Variants in ADAMTS5 observed in about 807,000 individuals in gnomAD.
ADAMTS5 encodes ADAM metallopeptidase with thrombospondin type 1 motif 5, also known as A disintegrin and metalloproteinase with thrombospondin motifs 5.
ADAMTS5 carries 54 observed loss-of-function variants against 81.4 expected under a neutral mutation model. The ratio of observed to expected loss-of-function variants is 0.66; its 90% CI spans 0.53 to 0.83. The LOEUF (loss-of-function observed/expected upper bound fraction) is 0.83. Ranked by LOEUF, ADAMTS5 falls within the 40% of genes least tolerant of loss-of-function variation. The probability of loss-of-function intolerance (pLI) is 0.00; values close to 1 mark genes in which losing one functional copy is unlikely to be tolerated. For synonymous variants in ADAMTS5, 532 were observed against 508.8 expected (o/e 1.05, Z -0.61); for missense variants, 1,194 against 1,229.9 (o/e 0.97, Z 0.44).
At position 26,966,255 on chromosome 21, in the gene ADAMTS5, C is replaced by T. The variant is rs1186523751; in HGVS notation, c.137G>A (p.Arg46Gln). 1 of 1,593,738 alleles carries T rather than the reference C, an allele frequency of 6.3e-7. No individual in the cohort carries two copies. Among genetic ancestry groups the T allele is most frequent in the Non-Finnish European group, 8.5e-7 (1 of 1,172,688 alleles). Residue 46 changes from arginine (R) to glutamine (Q), a missense_variant, in exon 1 of 8, where the codon CGG becomes CAG. By Grantham distance (43) the Arg-to-Gln change is conservative. Coordinates refer to ENST00000284987, the MANE Select transcript of ADAMTS5 (RefSeq NM_007038.5). ...TCGCTCCTGCACCTCCTCCCCCTGC[C>T]GCCGGCGGGGCTGGGCGGCTGCTGC... ...TAAAAAQPRR[R>Q]QGEEVQERAE...
chr21:26,932,208 C>A, intron 5 of ADAMTS5, 29 bp from the exon 6 acceptor site: 1 of 1,594,908 alleles, frequency 6.3e-7, no homozygotes, highest in Non-Finnish European at 8.5e-7. Context: ...TCAGTATTAC[C>A]TTATCAGTTC....
At chr21:26,960,660 A>AGAAGT (rs1987512796) in intron 1 of ADAMTS5, among the ~76,000 whole-genome samples, 1 of 152,092 alleles carries the variant, frequency 6.6e-6, no homozygotes, top group African/African-American at 2.4e-5. Flanking sequence ...GACTTTCTGG[A>AGAAGT]CTCCAGAACT....
At chr21:26,935,692 A>G (rs1380945327) in intron 3 of ADAMTS5, among the ~76,000 whole-genome samples, 1 of 152,108 alleles carries the variant, frequency 6.6e-6, no homozygotes, top group Non-Finnish European at 1.5e-5. Flanking sequence ...ATGGACGATG[A>G]GAATCCAAAA....
chr21:26,949,792 G>A (rs1987284498), intron 2 of ADAMTS5, among the ~76,000 whole-genome samples: 1 of 152,174 alleles, frequency 6.6e-6, no homozygotes, highest in Non-Finnish European at 1.5e-5. Context: ...CAAACTGCTT[G>A]TTGATTAAAG....
chr21:26,965,173 T>C, intron 1 of ADAMTS5, 115 bp downstream of exon 1: 3 of 1,424,878 alleles, frequency 2.1e-6, no homozygotes, highest in Non-Finnish European at 2.8e-6. Flanking sequence ...AAGAAGCAGT[T>C]AAACACATCC....
At chr21:26,962,526 G>A (rs1987548548) in intron 1 of ADAMTS5, among the ~76,000 whole-genome samples, 1 of 152,216 alleles carries the variant, frequency 6.6e-6, no homozygotes, top group Admixed American at 6.5e-5. Flanking sequence ...ACTTCCAGAT[G>A]CAACTTTCAA....
At chr21:26,934,888 G>T in intron 3 of ADAMTS5, 139 bp from the exon 4 acceptor site, 2 of 1,173,464 alleles carry the variant, frequency 1.7e-6, no homozygotes, top group Non-Finnish European at 2.4e-6. Flanking sequence ...CTCTGGAGAG[G>T]GACTCCATGG....
intron 1 of ADAMTS5, among the ~76,000 whole-genome samples, chr21:26,961,001 T>C (rs1431975593): frequency 6.6e-6 from 1 of 152,228 alleles, no homozygotes; most frequent in Admixed American, 6.5e-5. Flanking sequence ...AATGACCATT[T>C]CCCTGTCTGT....
intron 7 of ADAMTS5, among the ~76,000 whole-genome samples, chr21:26,926,763 A>G (rs1986813314): frequency 6.6e-6 from 1 of 151,944 alleles, no homozygotes; most frequent in African/African-American, 2.4e-5. Flanking sequence ...TGCCAGCCAT[A>G]TGTTATAGCA....
At position 26,965,569 on chromosome 21, in the gene ADAMTS5, C is replaced by T. The variant is rs777567836; in HGVS notation, c.823G>A (p.Ala275Thr). 5.0e-6 allele frequency: 8 copies of T among 1,609,512 alleles called. No individual in the cohort carries two copies. The South Asian group carries it at 7.7e-5, about 15-fold the overall frequency. Residue 275 changes from alanine (A) to threonine (T), a missense_variant, in exon 1 of 8, where the codon GCT (alanine) becomes ACT (threonine). Transcript: ENST00000284987. ...RARQVELLLV[A>T]DASMARLYGR... ...TACAACCGCGCCATGGACGCGTCAG[C>T]CACCAGAAGCAGCTCCACCTGGCGG...
chr21:26,958,067 C>T (rs563189176), intron 1 of ADAMTS5, among the ~76,000 whole-genome samples: 23 of 152,250 alleles, frequency 1.5e-4, no homozygotes, highest in Non-Finnish European at 3.2e-4. Flanking sequence ...GTGGGCAGTA[C>T]TGGGTGGTGA....
At chr21:26,962,325 A>G (rs1987545213) in intron 1 of ADAMTS5, among the ~76,000 whole-genome samples, 1 of 152,188 alleles carries the variant, frequency 6.6e-6, no homozygotes, top group Non-Finnish European at 1.5e-5. Flanking sequence ...GGGAGATTGG[A>G]TTTCTACTGT....
At position 26,932,913 on chromosome 21, in the gene ADAMTS5, T is replaced by C. The variant is rs1986940275; in HGVS notation, c.1821A>G (p.Thr607=). ...AGGAGCGGTAGATGGCCCTCTTCCC[T>C]GTGCAGTAGCGTCCGTTGTTTCTGG... ...PAPRNNGRYC[T]GKRAIYRSCS... The change falls in exon 5 of 8, where the codon ACA becomes ACG. Residue 607 remains threonine (T), a synonymous_variant. Transcript: ENST00000284987. 1 of 1,613,946 alleles carries C rather than the reference T, an allele frequency of 6.2e-7. No homozygotes were observed. Among genetic ancestry groups the C allele is most frequent in the East Asian group, 2.2e-5 (1 of 44,840 alleles).
At chr21:26,952,501 C>T (rs1392809269) in intron 2 of ADAMTS5, among the ~76,000 whole-genome samples, 2 of 152,320 alleles carry the variant, frequency 1.3e-5, no homozygotes, top group East Asian at 1.9e-4. Flanking sequence ...GCTCTTCAAT[C>T]CTCCCTAGTT....
intron 1 of ADAMTS5, among the ~76,000 whole-genome samples, chr21:26,960,801 C>G (rs1249111424): frequency 6.6e-6 from 1 of 152,238 alleles, no homozygotes; most frequent in African/African-American, 2.4e-5. Context: ...CTTCTCCAAA[C>G]TAATCTATTA....
Position 26,923,874 on chromosome 21 carries a change from C to T in ADAMTS5, c.*179G>A, listed in dbSNP as rs117283492. The T allele has an allele frequency of 3.6e-3, 2,180 of 608,186 alleles. 7 individuals carry two copies. Among genetic ancestry groups the T allele is most frequent in the Non-Finnish European group, 4.3e-3 (1,550 of 364,448 alleles). The allele number at this position is 608,186 out of a possible 1,614,324, so 37.7% of individuals were successfully genotyped here. ...CTATATTGCAAGGTCACCACTGTCA[C>T]GTGAAGCAGTGCACATCCTCTTTTG... is the stretch of plus-strand genomic sequence containing the variant. On this transcript the variant is annotated 3_prime_UTR_variant, in exon 8 of 8. Transcript: ENST00000284987.
chr21:26,951,841 G>T (rs1987324940), intron 2 of ADAMTS5, among the ~76,000 whole-genome samples: 1 of 151,876 alleles, frequency 6.6e-6, no homozygotes, highest in African/African-American at 2.4e-5. Flanking sequence ...CCAGCAAGCT[G>T]CATTATCCAA....
intron 1 of ADAMTS5, among the ~76,000 whole-genome samples, chr21:26,960,165 A>G (rs553172386): frequency 1.3e-5 from 2 of 152,242 alleles, no homozygotes; most frequent in South Asian, 4.1e-4. Flanking sequence ...GACCCAATCT[A>G]TGCCTCTCAA....
At chr21:26,929,765 A>G (rs1397799510) in intron 7 of ADAMTS5, 121 bp downstream of exon 7, 2 of 870,304 alleles carry the variant, frequency 2.3e-6, no homozygotes, top group Non-Finnish European at 3.2e-6. Context: ...GTGTTTCTAG[A>G]GCCACGTTAG....
Sources: gnomAD v4.1 joint callset for allele counts (sites outside exome capture counted in the v4.1 genomes callset) on GRCh38, gnomAD v4.1.1 for gene constraint, MANE v1.5 for transcripts, NCBI Gene and HGNC (gene_info 2026-07-23, HGNC 2026-07-21) for gene names.